Variants in APBB1IP observed in about 807,000 individuals in gnomAD.
The protein encoded by APBB1IP is amyloid beta A4 precursor protein-binding family B member 1-interacting protein.
In APBB1IP, 27 loss-of-function variants were observed where a neutral mutation model predicts 64.9. That is an observed-to-expected ratio of 0.42 (90% confidence interval 0.31 to 0.57). The LOEUF (loss-of-function observed/expected upper bound fraction) is 0.57, where lower values mean the gene tolerates loss of function less well. Ranked by LOEUF, APBB1IP falls within the 20% of genes least tolerant of loss-of-function variation. The pLI is 0.20. For synonymous variants in APBB1IP, 392 were observed against 331.0 expected, an observed-to-expected ratio of 1.18 and a Z score of -2.00; for missense variants, 812 against 845.5, an observed-to-expected ratio of 0.96 and a Z score of 0.49.
intron 8 of APBB1IP, among the ~76,000 whole-genome samples, chr10:26,516,850 T>G (rs2132449917): frequency 6.6e-6 from 1 of 152,304 alleles, no homozygotes; most frequent in East Asian, 1.9e-4. Context: ...CCCGCGTTTT[T>G]ATTTTCCTTT....
chr10:26,504,099 T>G (rs1836139755), intron 6 of APBB1IP, among the ~76,000 whole-genome samples: 1 of 152,184 alleles, frequency 6.6e-6, no homozygotes, highest in African/African-American at 2.4e-5. Context: ...GAGCTCAGCT[T>G]CTGTCGGCCT....
chr10:26,509,402 G>C (rs1351686185), intron 6 of APBB1IP, among the ~76,000 whole-genome samples: 1 of 152,160 alleles, frequency 6.6e-6, no homozygotes, highest in Non-Finnish European at 1.5e-5. Flanking sequence ...GATCTTGGGG[G>C]TGTTTGTGAA....
intron 11 of APBB1IP, among the ~76,000 whole-genome samples, chr10:26,545,220 G>A (rs113403858): frequency 0.012 from 1,825 of 152,228 alleles, 18 homozygotes; most frequent in Non-Finnish European, 0.02. Context: ...TTTGTCTGCT[G>A]TTTTAAAAAA....
rs1265251797 is a variant in APBB1IP at position 26,500,847 on chromosome 10, T to G, written c.189T>G (p.Asp63Glu). ...NESLNALEDQ[D>E]LDALMADLVA... ...CCTTAAATGCACTGGAAGACCAAGATTTAGATGCTCTCATGGCAGATCTGG... is the reference window on the plus strand; with the variant it reads ...CCTTAAATGCACTGGAAGACCAAGAGTTAGATGCTCTCATGGCAGATCTGG... Residue 63 changes from aspartate to glutamate, a missense_variant, in exon 5 of 15, where the codon GAT becomes GAG. Asp to Glu is a conservative substitution (Grantham distance 45). Coordinates refer to ENST00000376236, the MANE Select transcript of APBB1IP (RefSeq NM_019043.4). 6.2e-7 allele frequency: 1 copy of G among 1,614,078 alleles called. No homozygotes were observed. The highest frequency in any genetic ancestry group is 1.3e-5 in the African/African-American group (1 of 75,042).
At chr10:26,528,691 C>T (rs1231805563) in intron 8 of APBB1IP, among the ~76,000 whole-genome samples, 1 of 152,154 alleles carries the variant, frequency 6.6e-6, no homozygotes, top group Admixed American at 6.6e-5. Flanking sequence ...AATCCCAGCA[C>T]TTTGGGAGGC....
chr10:26,497,129 T>G (rs1836035336), intron 4 of APBB1IP, among the ~76,000 whole-genome samples: 1 of 151,882 alleles, frequency 6.6e-6, no homozygotes, highest in East Asian at 1.9e-4. Flanking sequence ...CTGAGCTGTG[T>G]TTCTGCCACT....
At chr10:26,528,402 C>G (rs961202574) in intron 8 of APBB1IP, among the ~76,000 whole-genome samples, 1 of 152,050 alleles carries the variant, frequency 6.6e-6, no homozygotes, top group Non-Finnish European at 1.5e-5. Flanking sequence ...TCTTTTTTTC[C>G]CTACCAGAAC....
At chr10:26,551,147 G>A (rs1836825336) in intron 11 of APBB1IP, among the ~76,000 whole-genome samples, 1 of 152,182 alleles carries the variant, frequency 6.6e-6, no homozygotes, top group African/African-American at 2.4e-5. Context: ...GGCAGGGAAG[G>A]TGAGCCACTG....
chr10:26,525,500 C>T (rs1836462561), intron 8 of APBB1IP, among the ~76,000 whole-genome samples: 5 of 152,112 alleles, frequency 3.3e-5, no homozygotes. Context: ...TTCTCCCCTA[C>T]AGAGACTCTC....
In APBB1IP at chr10:26,562,415, G is replaced by A. The variant is rs754181525; in HGVS notation, c.1459G>A (p.Ala487Thr). 3 of 1,613,764 alleles carry A rather than the reference G, an allele frequency of 1.9e-6. No homozygotes were observed. The South Asian group carries it at 3.3e-5, about 18-fold the overall frequency. Reference sequence around the variant, plus strand: ...TGTTCTCCAAGAGGCCCAGAGACATGCTGAAACATCGAAGGTAAAACCAGC... The same window carrying A: ...TGTTCTCCAAGAGGCCCAGAGACATACTGAAACATCGAAGGTAAAACCAGC... ...SAVLQEAQRH[A>T]ETSKDKKPAL... Residue 487 changes from alanine (A) to threonine (T), a missense_variant, in exon 14 of 15, where the codon GCT becomes ACT. By Grantham distance (58) the Ala-to-Thr change is moderately conservative. Coordinates refer to ENST00000376236, the MANE Select transcript of APBB1IP (RefSeq NM_019043.4).
rs192725031 is a variant in APBB1IP at position 26,519,566 on chromosome 10, G to T, written c.813+5906G>T. On this transcript the variant is annotated intron_variant, in intron 8 of 14. Transcript: ENST00000376236. ...ACTGTTAGAAATTGCCTCCCACCAG[G>T]CCCGACTTCCAACACTGGGGATTAC... 1.1e-4 allele frequency among the ~76,000 whole-genome samples: 17 copies of T among 152,264 alleles called. No individual in the cohort carries two copies. In the East Asian group the frequency reaches 3.1e-3, roughly 28 times the overall value.
At chr10:26,471,737 G>A (rs1589196340) in intron 2 of APBB1IP, among the ~76,000 whole-genome samples, 2 of 151,970 alleles carry the variant, frequency 1.3e-5, no homozygotes, top group Non-Finnish European at 2.9e-5. Flanking sequence ...CAGGCTGGAG[G>A]TCAGTGGCGC....
At position 26,524,955 on chromosome 10, in the gene APBB1IP, C is replaced by CTTTCT. The variant is rs747655095; in HGVS notation, c.814-8481_814-8480insCTTTT. Among the ~76,000 whole-genome samples, 75 of 73,952 alleles carry CTTTCT rather than the reference C, an allele frequency of 1.0e-3. 1 individual carries two copies. Among genetic ancestry groups the CTTTCT allele is most frequent in the Non-Finnish European group, 1.4e-3 (54 of 38,464 alleles). 48.5% of individuals were successfully genotyped at this position (73,952 alleles called of 152,430 possible). A position where few individuals can be genotyped will look rare whatever the true frequency, so the allele number is the denominator to read the frequency against. ...TCTTTTTCTTTCTCTTTCTTTCTTTCTTTTTTTTTTTTTTTTTTTATAAAA... is the reference window on the plus strand; with the variant it reads ...TCTTTTTCTTTCTCTTTCTTTCTTTCTTTCTTTTTTTTTTTTTTTTTTTTATAAAA... On this transcript the variant is annotated intron_variant, in intron 8 of 14. Transcript: ENST00000376236.
At chr10:26,483,715 T>C (rs1183684293) in intron 2 of APBB1IP, among the ~76,000 whole-genome samples, 1 of 152,226 alleles carries the variant, frequency 6.6e-6, no homozygotes, top group Non-Finnish European at 1.5e-5. Flanking sequence ...TTCATTTTTT[T>C]ATCATTATTT....
chr10:26,529,803 A>G (rs1444682765), intron 8 of APBB1IP, among the ~76,000 whole-genome samples: 2 of 151,790 alleles, frequency 1.3e-5, no homozygotes, highest in Non-Finnish European at 2.9e-5. Flanking sequence ...ACCAAACCCA[A>G]TTAATTTTTG....
Position 26,510,748 on chromosome 10 carries a change from A to T in APBB1IP, c.532-999A>T, listed in dbSNP as rs1213954228. Among the ~76,000 whole-genome samples, 5 of 151,578 alleles carry T rather than the reference A, an allele frequency of 3.3e-5. No individual in the cohort carries two copies. In the East Asian group the frequency reaches 7.8e-4, roughly 24 times the overall value. ...AAGACCCTGTCTCACACACACACACACACACACACACACACACACACACAC... is the reference window on the plus strand; with the variant it reads ...AAGACCCTGTCTCACACACACACACTCACACACACACACACACACACACAC... On this transcript the variant is annotated intron_variant, in intron 6 of 14. Coordinates refer to ENST00000376236, the MANE Select transcript of APBB1IP (RefSeq NM_019043.4).
At chr10:26,556,347 T>C (rs1200488298) in intron 11 of APBB1IP, among the ~76,000 whole-genome samples, 1 of 152,218 alleles carries the variant, frequency 6.6e-6, no homozygotes, top group African/African-American at 2.4e-5. Context: ...GATTTCTGCA[T>C]CACCAAGGGA....
intron 2 of APBB1IP, 92 bp from the exon 3 acceptor site, chr10:26,492,235 T>G: frequency 8.7e-7 from 1 of 1,154,554 alleles, no homozygotes; most frequent in Non-Finnish European, 1.3e-6. Flanking sequence ...TGCCCATGGA[T>G]GGGGCTCTTG....
chr10:26,535,897 G>A (rs1836616429), intron 9 of APBB1IP, among the ~76,000 whole-genome samples, 177 bp from the exon 10 acceptor site: 2 of 152,174 alleles, frequency 1.3e-5, no homozygotes, highest in African/African-American at 2.4e-5. Context: ...CTTGATCGAT[G>A]TGTTATTCTT....
Sources: allele counts gnomAD v4.1 joint callset (sites outside exome capture counted in the v4.1 genomes callset), GRCh38; gene constraint gnomAD v4.1.1; transcripts MANE v1.5; gene names NCBI Gene and HGNC (gene_info 2026-07-23, HGNC 2026-07-21).